Variants in SEC24D observed in about 807,000 individuals in gnomAD.
The protein encoded by SEC24D is SEC24 homolog D, COPII component.
A neutral mutation model predicts 116.9 loss-of-function variants in SEC24D; 69 were observed. The observed-to-expected ratio is 0.59, with a 90% CI of 0.49 to 0.72. The LOEUF is 0.72. Among genes scored for constraint, SEC24D ranks in the 30% least tolerant of loss-of-function variants. The pLI is 0.00. For missense variants in SEC24D, 1,131 were observed against 1,264.1 expected (o/e 0.89, Z 1.60); for synonymous variants, 405 against 442.8 (o/e 0.91, Z 1.07).
intron 10 of SEC24D, among the ~76,000 whole-genome samples, chr4:118,762,756 G>A (rs1727445353): frequency 6.6e-6 from 1 of 152,132 alleles, no homozygotes. Context: ...GGAAGATTAT[G>A]CTTACAAAAA....
chr4:118,753,048 C>T (rs1012872852), intron 11 of SEC24D, among the ~76,000 whole-genome samples, 160 bp from the exon 12 acceptor site: 2 of 151,874 alleles, frequency 1.3e-5, no homozygotes, highest in African/African-American at 2.4e-5. Context: ...ATACTAGTCA[C>T]GGCAATGGGG....
In SEC24D at chr4:118,768,266, A is replaced by G. The variant is rs1436355789; in HGVS notation, c.1087T>C (p.Cys363Arg). 6.2e-7 allele frequency: 1 copy of G among 1,613,924 alleles called. No individual in the cohort carries two copies. Among genetic ancestry groups the G allele is most frequent in the Non-Finnish European group, 8.5e-7 (1 of 1,179,932 alleles). Reference sequence around the variant, plus strand: ...CACATGTAGGCCTTGCACCTGTTGCATCTGACTGGTCCACTCTCGCCGTGA... The same window carrying G: ...CACATGTAGGCCTTGCACCTGTTGCGTCTGACTGGTCCACTCTCGCCGTGA... ...VNHGESGPVRCNRCKAYMCPF... is the reference protein window; with the variant it reads ...VNHGESGPVRRNRCKAYMCPF... Residue 363 changes from cysteine to arginine, a missense_variant, in exon 9 of 23, where the codon TGC becomes CGC. Coordinates refer to ENST00000280551, the MANE Select transcript of SEC24D (RefSeq NM_014822.4).
chr4:118,764,622 T>C (rs1337892827), intron 10 of SEC24D, 180 bp downstream of exon 10: 1 of 499,412 alleles, frequency 2.0e-6, no homozygotes, highest in Non-Finnish European at 3.5e-6. Flanking sequence ...GTAGATGGTT[T>C]GGCAGTTGAA....
intron 7 of SEC24D, 46 bp from the exon 8 acceptor site, chr4:118,797,856 C>A: frequency 2.0e-6 from 3 of 1,489,614 alleles, no homozygotes; most frequent in Non-Finnish European, 1.8e-6. Context: ...TAGAAAAAAA[C>A]CTTCCCTAAG....
At chr4:118,741,074 G>A in intron 15 of SEC24D, 37 bp from the exon 16 acceptor site, 1 of 1,047,380 alleles carries the variant, frequency 9.5e-7, no homozygotes, top group Non-Finnish European at 1.4e-6. Context: ...CCACCAGATG[G>A]CAGTAAAATA....
intron 2 of SEC24D, among the ~76,000 whole-genome samples, chr4:118,832,178 T>A (rs919742940): frequency 6.6e-6 from 1 of 152,094 alleles, no homozygotes; most frequent in Admixed American, 6.5e-5. Context: ...GAGGTTGCAG[T>A]GAGCTGAGAT....
chr4:118,752,600 G>A, intron 12 of SEC24D, 97 bp downstream of exon 12: 1 of 804,934 alleles, frequency 1.2e-6, no homozygotes. Context: ...AAACCCCCTT[G>A]CTAATGATAA....
rs116732123 is a variant in SEC24D, at chr4:118,727,439, G to A, written c.2958+1122C>T. On this transcript the variant is annotated intron_variant, in intron 22 of 22. Transcript: ENST00000280551. ...GGAAAGTTTAATGTTTTTCCCTGAA[G>A]GAGGAACTACTGAGCACAAGGATGA... is the stretch of plus-strand genomic sequence containing the variant. Among the ~76,000 whole-genome samples the A allele has an allele frequency of 8.3e-4, 127 of 152,236 alleles. 1 individual carries two copies. Among genetic ancestry groups the A allele is most frequent in the Non-Finnish European group, 1.4e-3 (94 of 68,000 alleles).
At chr4:118,780,849 C>T (rs114682099) in intron 8 of SEC24D, among the ~76,000 whole-genome samples, 6,007 of 150,086 alleles carry the variant, frequency 0.04, 178 homozygotes, top group Non-Finnish European at 0.063. Context: ...GGCCTTGTCC[C>T]TTTTGATCTT....
intron 8 of SEC24D, among the ~76,000 whole-genome samples, chr4:118,771,089 C>T (rs550277028): frequency 2.0e-5 from 3 of 152,278 alleles, no homozygotes; most frequent in African/African-American, 7.2e-5. Flanking sequence ...CTCCAGATGT[C>T]AGCTTATCTG....
intron 6 of SEC24D, among the ~76,000 whole-genome samples, chr4:118,810,426 A>AAGAG (rs1318341952): frequency 6.6e-6 from 1 of 152,166 alleles, no homozygotes; most frequent in Non-Finnish European, 1.5e-5. Context: ...GCAAGAAAGG[A>AAGAG]AGAATCAGAG....
intron 20 of SEC24D, 123 bp from the exon 21 acceptor site, chr4:118,731,630 C>G (rs1004708367): frequency 8.2e-6 from 6 of 729,218 alleles, no homozygotes; most frequent in African/African-American, 5.3e-5. Flanking sequence ...CTATTATGTG[C>G]CAGACTTTAT....
At chr4:118,790,477 AAC>A (rs1239226691) in intron 8 of SEC24D, among the ~76,000 whole-genome samples, 1 of 152,206 alleles carries the variant, frequency 6.6e-6, no homozygotes, top group Non-Finnish European at 1.5e-5. Flanking sequence ...CAAAAATTAA[AAC>A]ACAGTTTACT....
chr4:118,723,532 A>C lies in SEC24D; in HGVS notation c.3082T>G (p.Cys1028Gly). The C allele has an allele frequency of 3.7e-6, 6 of 1,611,970 alleles. No individual in the cohort carries two copies. Among genetic ancestry groups the C allele is most frequent in the Non-Finnish European group, 4.2e-6 (5 of 1,179,274 alleles). ...AGTTTCAATTAATTAAGCAGCTGAC[A>C]GATCTCCTTGTGAACACAACAAAGG... ...DFLCCVHKEI[C>G]QLLN Residue 1028 changes from cysteine (C) to glycine (G), a missense_variant, in exon 23 of 23, where the codon TGT becomes GGT. Transcript: ENST00000280551.
At position 118,752,847 on chromosome 4, in the gene SEC24D, A is replaced by G. The variant is rs1329439872; in HGVS notation, c.1463T>C (p.Ile488Thr). ...GAAATGGAGAACTTTGTTATATGTGATAAAACCCACTCGAATTGCAGACGT... is the reference window on the plus strand; with the variant it reads ...GAAATGGAGAACTTTGTTATATGTGGTAAAACCCACTCGAATTGCAGACGT... ...EETSAIRVGF[I>T]TYNKVLHFFN... The change falls in exon 12 of 23, where the codon ATC becomes ACC. Residue 488 changes from isoleucine (I) to threonine (T), a missense_variant. Physicochemically the swap from Ile to Thr is moderately conservative, Grantham distance 89. Coordinates refer to ENST00000280551, the MANE Select transcript of SEC24D (RefSeq NM_014822.4). The G allele has an allele frequency of 1.9e-6, 3 of 1,600,060 alleles. No homozygotes were observed. Among genetic ancestry groups the G allele is most frequent in the Non-Finnish European group, 2.6e-6 (3 of 1,175,648 alleles).
chr4:118,756,269 A>G (rs1727087273), intron 11 of SEC24D, among the ~76,000 whole-genome samples: 1 of 152,104 alleles, frequency 6.6e-6, no homozygotes, highest in Non-Finnish European at 1.5e-5. Flanking sequence ...TTCCTTAAGA[A>G]TAGGGTAAGG....
At chr4:118,793,195 C>T (rs192308345) in intron 8 of SEC24D, among the ~76,000 whole-genome samples, 224 of 152,144 alleles carry the variant, frequency 1.5e-3, no homozygotes, top group African/African-American at 4.9e-3. Context: ...CGGCCGGGCG[C>T]GGTGGCTCAC....
chr4:118,775,307 G>C (rs1034751079), intron 8 of SEC24D, among the ~76,000 whole-genome samples: 2 of 141,076 alleles, frequency 1.4e-5, no homozygotes, highest in African/African-American at 2.7e-5. Flanking sequence ...ACAAATATAC[G>C]CTCAGGATAA....
intron 13 of SEC24D, among the ~76,000 whole-genome samples, chr4:118,746,169 G>C (rs975266602): frequency 7.3e-6 from 1 of 136,056 alleles, no homozygotes; most frequent in Non-Finnish European, 1.6e-5. Context: ...GCAAGATCCT[G>C]TCTCAAACAA....
Sources: gnomAD v4.1 joint callset for allele counts (sites outside exome capture counted in the v4.1 genomes callset) on GRCh38, gnomAD v4.1.1 for gene constraint, MANE v1.5 for transcripts, NCBI Gene and HGNC (gene_info 2026-07-23, HGNC 2026-07-21) for gene names.